EXD2: variants seen among roughly 807,000 people sequenced by gnomAD.
EXD2 encodes the protein exonuclease 3'-5' domain-containing protein 2.
A neutral mutation model predicts 62.5 loss-of-function variants in EXD2; 40 were observed. The ratio of observed to expected loss-of-function variants is 0.64; its 90% CI spans 0.50 to 0.83. The LOEUF (loss-of-function observed/expected upper bound fraction) is 0.83. Among genes scored for constraint, EXD2 ranks in the 40% least tolerant of loss-of-function variants. EXD2 has a pLI of 0.00. For missense variants in EXD2, 671 were observed against 761.8 expected, an observed-to-expected ratio of 0.88 and a Z score of 1.40; for synonymous variants, 239 against 291.9, an observed-to-expected ratio of 0.82 and a Z score of 1.85.
intron 1 of EXD2, among the ~76,000 whole-genome samples, chr14:69,193,454 C>G (rs1056992402): frequency 2.6e-5 from 4 of 152,186 alleles, no homozygotes; most frequent in Non-Finnish European, 4.4e-5. Context: ...TTTTAATTTG[C>G]ATTCCCCTGA....
At chr14:69,224,851 C>T (rs2043304805) in intron 3 of EXD2, among the ~76,000 whole-genome samples, 1 of 152,012 alleles carries the variant, frequency 6.6e-6, no homozygotes, top group South Asian at 2.1e-4. Flanking sequence ...TGGTAGCGGG[C>T]ACCTGAAGTC....
chr14:69,240,886 T>C lies in EXD2; in HGVS notation c.1652T>C (p.Ile551Thr), dbSNP rs777212484. The change falls in exon 10 of 10, where the codon ATC becomes ACC. Residue 551 changes from isoleucine (I) to threonine (T), a missense_variant and splice_region_variant. Coordinates refer to ENST00000685843, the MANE Select transcript of EXD2 (RefSeq NM_001193360.2). The stretch of plus-strand genomic sequence containing the variant: ...CTTTGTTTTTCATGTTTTGGCAGAA[T>C]CTCCAATGAAAACTATGTTCCTCAC... ...LQEAASLETRISNENYVPHGL... is the reference protein window; with the variant it reads ...LQEAASLETRTSNENYVPHGL... 6.2e-7 allele frequency: 1 copy of C among 1,611,086 alleles called. No individual in the cohort carries two copies. The highest frequency in any genetic ancestry group is 2.2e-5 in the East Asian group (1 of 44,774).
At chr14:69,240,780 C>A in intron 9 of EXD2, 104 bp from the exon 10 acceptor site, 2 of 902,094 alleles carry the variant, frequency 2.2e-6, no homozygotes, top group Middle Eastern at 3.4e-4. Flanking sequence ...CTTTAGGAGT[C>A]CTTCAACCTC....
intron 1 of EXD2, among the ~76,000 whole-genome samples, chr14:69,201,808 G>A (rs1365679130): frequency 6.7e-6 from 1 of 148,842 alleles, no homozygotes; most frequent in Non-Finnish European, 1.5e-5. Flanking sequence ...TCAGCCTCCT[G>A]AGTAGCTGGG....
intron 3 of EXD2, among the ~76,000 whole-genome samples, chr14:69,219,034 A>G (rs893471067): frequency 6.6e-6 from 1 of 152,146 alleles, no homozygotes; most frequent in Non-Finnish European, 1.5e-5. Context: ...GTTTTTTCCA[A>G]TTCTGTGAAG....
At chr14:69,194,243 A>G (rs1240238113) in intron 1 of EXD2, among the ~76,000 whole-genome samples, 1 of 149,820 alleles carries the variant, frequency 6.7e-6, no homozygotes, top group Non-Finnish European at 1.5e-5. Context: ...AGTTCATGCC[A>G]TTCTCCTGCC....
At chr14:69,205,218 T>TA (rs1208401940) in intron 2 of EXD2, among the ~76,000 whole-genome samples, 4 of 152,208 alleles carry the variant, frequency 2.6e-5, no homozygotes, top group African/African-American at 4.8e-5. Flanking sequence ...CTTTCTGTTT[T>TA]AAAATTTTTT....
intron 1 of EXD2, among the ~76,000 whole-genome samples, chr14:69,197,620 C>G (rs2042251172): frequency 6.6e-6 from 1 of 151,946 alleles, no homozygotes; most frequent in Admixed American, 6.6e-5. Flanking sequence ...GTCTGTTGTT[C>G]CCGTCTTTAT....
At position 69,209,529 on chromosome 14, in the gene EXD2, G is replaced by C. The variant is rs1487160169; in HGVS notation, c.59G>C (p.Gly20Ala). ...ACTACCCTTCTGGGTGTGGCTGTAGGGGGGTTTGTCCTCTGGAAAGGCATC... is the reference window on the plus strand; with the variant it reads ...ACTACCCTTCTGGGTGTGGCTGTAGCGGGGTTTGTCCTCTGGAAAGGCATC... Reference protein sequence around the residue: ...TVTTLLGVAVGGFVLWKGIQR... With the variant: ...TVTTLLGVAVAGFVLWKGIQR... The change falls in exon 3 of 10, where the codon GGG (glycine) becomes GCG (alanine). Residue 20 changes from glycine to alanine, a missense_variant. Physicochemically the swap from Gly to Ala is moderately conservative, Grantham distance 60. Coordinates refer to ENST00000685843, the MANE Select transcript of EXD2 (RefSeq NM_001193360.2). 1 of 1,550,412 alleles carries C rather than the reference G, an allele frequency of 6.4e-7. No homozygotes were observed. The highest frequency in any genetic ancestry group is 8.7e-7 in the Non-Finnish European group (1 of 1,146,954).
intron 3 of EXD2, among the ~76,000 whole-genome samples, chr14:69,221,065 T>C (rs923435806): frequency 2.0e-4 from 30 of 152,072 alleles, no homozygotes; most frequent in African/African-American, 7.0e-4. Context: ...ATGGGAGTCT[T>C]GCCATGTTGT....
chr14:69,201,244 A>C (rs1056892384), intron 1 of EXD2, among the ~76,000 whole-genome samples: 2 of 151,374 alleles, frequency 1.3e-5, no homozygotes, highest in Non-Finnish European at 2.9e-5. Context: ...GCTGGAGTGC[A>C]GTGTTATGAT....
At chr14:69,216,797 T>C (rs2043000589) in intron 3 of EXD2, among the ~76,000 whole-genome samples, 1 of 152,206 alleles carries the variant, frequency 6.6e-6, no homozygotes, top group South Asian at 2.1e-4. Context: ...TAAATCTAGC[T>C]AATTAACAAG....
rs376188693 is a variant in EXD2, at chr14:69,218,341, T to A, written c.333+8538T>A. 5.3e-5 allele frequency among the ~76,000 whole-genome samples: 8 copies of A among 152,296 alleles called. No individual in the cohort carries two copies. The South Asian group carries it at 1.0e-3, about 20-fold the overall frequency. The stretch of plus-strand genomic sequence containing the variant: ...GGCTGCATAAATGTCTTCTTTTGAG[T>A]AGTGTCTGTTCATATCCTTTGCCCA... On this transcript the variant is annotated intron_variant, in intron 3 of 9. Transcript: ENST00000685843.
chr14:69,237,424 C>T (rs2043833355), intron 8 of EXD2, 151 bp from the exon 9 acceptor site: 2 of 681,104 alleles, frequency 2.9e-6, no homozygotes, highest in Non-Finnish European at 5.2e-6. Flanking sequence ...ATAGGTGATA[C>T]TGCCTTTCTG....
intron 2 of EXD2, among the ~76,000 whole-genome samples, chr14:69,204,896 T>C (rs1176713643): frequency 6.6e-6 from 1 of 152,218 alleles, no homozygotes; most frequent in Non-Finnish European, 1.5e-5. Flanking sequence ...ATCAGCTCCC[T>C]GCTAGTCACT....
At chr14:69,240,141 T>A (rs920146577) in intron 9 of EXD2, among the ~76,000 whole-genome samples, 1 of 151,984 alleles carries the variant, frequency 6.6e-6, no homozygotes, top group Non-Finnish European at 1.5e-5. Context: ...GGATTGAACA[T>A]GGGGTATGGA....
intron 4 of EXD2, among the ~76,000 whole-genome samples, chr14:69,230,085 T>A (rs1003939502): frequency 6.6e-6 from 1 of 152,162 alleles, no homozygotes; most frequent in African/African-American, 2.4e-5. Flanking sequence ...AATGCCACTG[T>A]CACTGTGTGC....
chr14:69,236,305 C>G lies in EXD2; in HGVS notation c.1157-102C>G, dbSNP rs1198330763. ...GTAGGCACAACCCAGAAATCATGTT[C>G]TCTGCCAGGCCATAGCAGAGAACAG... On this transcript the variant is annotated intron_variant, in intron 7 of 9. Coordinates refer to ENST00000685843, the MANE Select transcript of EXD2 (RefSeq NM_001193360.2). 5 of 1,586,448 alleles carry G rather than the reference C, an allele frequency of 3.2e-6. No homozygotes were observed. The African/African-American group carries it at 6.7e-5, about 21-fold the overall frequency.
At chr14:69,236,804 T>TG (rs2043809552) in intron 8 of EXD2, among the ~76,000 whole-genome samples, 1 of 152,242 alleles carries the variant, frequency 6.6e-6, no homozygotes, top group Non-Finnish European at 1.5e-5. Context: ...GGTTCCCTTT[T>TG]GCTCATGAAA....
Sources: gnomAD v4.1 joint callset for allele counts (sites outside exome capture counted in the v4.1 genomes callset) on GRCh38, gnomAD v4.1.1 for gene constraint, MANE v1.5 for transcripts, NCBI Gene and HGNC (gene_info 2026-07-23, HGNC 2026-07-21) for gene names.